Variants in WDR33 observed in about 807,000 individuals in gnomAD.
The protein encoded by WDR33 is WD repeat domain 33, also known as pre-mRNA 3' end processing protein WDR33.
In WDR33, 47 loss-of-function variants were observed where a neutral mutation model predicts 164.9. The ratio of observed to expected loss-of-function variants is 0.29; its 90% confidence interval spans 0.23 to 0.36. The LOEUF (loss-of-function observed/expected upper bound fraction) is 0.36, where lower values mean the gene tolerates loss of function less well. Ranked by LOEUF, WDR33 falls within the 10% of genes least tolerant of loss-of-function variation. The pLI is 1.00. For missense variants in WDR33, 1,137 were observed against 1,754.1 expected, an observed-to-expected ratio of 0.65 and a Z score of 6.28; for synonymous variants, 505 against 589.0, an observed-to-expected ratio of 0.86 and a Z score of 2.06.
chr2:127,786,335 G>A (rs1037404307), intron 1 of WDR33, among the ~76,000 whole-genome samples: 13 of 152,146 alleles, frequency 8.5e-5, no homozygotes, highest in Non-Finnish European at 4.4e-5. Flanking sequence ...GTGCCCAGCC[G>A]ATACTGTTTT....
At position 127,706,387 on chromosome 2, in the gene WDR33, C is replaced by T. The variant is rs761790721; in HGVS notation, c.3947G>A (p.Gly1316Glu). The change falls in exon 22 of 22, where the codon GGG becomes GAG. Residue 1316 changes from glycine to glutamate, a missense_variant. Physicochemically the swap from Gly to Glu is moderately conservative, Grantham distance 98. Transcript: ENST00000322313. The surrounding 1 kb of genome is among the most constrained non-coding windows in gnomAD (Gnocchi z 5.1). ...CGGCGGGCCAGAGTTCATGTTACTCCCTCTACCCCAGTTACTGCCACTCCG... is the reference window on the plus strand; with the variant it reads ...CGGCGGGCCAGAGTTCATGTTACTCTCTCTACCCCAGTTACTGCCACTCCG... ...GGRSGSNWGR[G>E]SNMNSGPPRR... 6 of 1,612,236 alleles carry T rather than the reference C, an allele frequency of 3.7e-6. No individual in the cohort carries two copies. Among genetic ancestry groups the T allele is most frequent in the South Asian group, 3.3e-5 (3 of 90,750 alleles).
intron 1 of WDR33, among the ~76,000 whole-genome samples, chr2:127,786,840 TGTTC>T (rs1448449330): frequency 7.7e-6 from 1 of 130,564 alleles, no homozygotes; most frequent in African/African-American, 3.1e-5. Flanking sequence ...TCTTCCTTTC[TGTTC>T]TTTTTTTTTT....
chr2:127,725,045 T>C lies in WDR33; in HGVS notation c.1006+16A>G, dbSNP rs777832795. The C allele has an allele frequency of 1.9e-6, 3 of 1,613,894 alleles. No homozygotes were observed. Among genetic ancestry groups the C allele is most frequent in the Admixed American group, 1.7e-5 (1 of 59,984 alleles). ...AGGTAACAGTGGTCAATGAGAAGCATATCACAGCCACTGACCTGTGGCTTC... is the reference window on the plus strand; with the variant it reads ...AGGTAACAGTGGTCAATGAGAAGCACATCACAGCCACTGACCTGTGGCTTC... On this transcript the variant is annotated intron_variant, in intron 9 of 21. Transcript: ENST00000322313.
rs1189462193 is a variant in WDR33 at position 127,708,301 on chromosome 2, A to C, written c.3781+376T>G. Among the ~76,000 whole-genome samples the C allele has an allele frequency of 6.6e-6, 1 of 152,198 alleles. No individual in the cohort carries two copies. Among genetic ancestry groups the C allele is most frequent in the Non-Finnish European group, 1.5e-5 (1 of 68,044 alleles). On this transcript the variant is annotated intron_variant, in intron 21 of 21. Coordinates refer to ENST00000322313, the MANE Select transcript of WDR33 (RefSeq NM_018383.5). This position sits in a 1 kb window ranked among gnomAD's most constrained non-coding sequence, Gnocchi z 6.7. ...GTTCCTCTAGACCCAGGCTAAAAAA[A>C]CCAACAGACCACCCAGGAGAGGACA... is the stretch of plus-strand genomic sequence containing the variant.
At chr2:127,800,357 G>A (rs949956578) in intron 1 of WDR33, among the ~76,000 whole-genome samples, 4 of 152,204 alleles carry the variant, frequency 2.6e-5, no homozygotes, top group African/African-American at 7.2e-5. Context: ...AAGCAAGCCT[G>A]GGCGCAGTGG....
intron 1 of WDR33, among the ~76,000 whole-genome samples, chr2:127,787,235 GAA>G (rs1308142315): frequency 2.9e-5 from 3 of 103,894 alleles, no homozygotes; most frequent in African/African-American, 1.4e-4. Context: ...AGAACAAAAT[GAA>G]AAGTCTCCCA....
At chr2:127,765,653 T>C (rs985532653) in intron 4 of WDR33, among the ~76,000 whole-genome samples, 1 of 152,036 alleles carries the variant, frequency 6.6e-6, no homozygotes, top group African/African-American at 2.4e-5. Flanking sequence ...AAAGACTGAA[T>C]AAAGGATATG....
rs1686305514 is a variant in WDR33, at chr2:127,716,524, C to T, written c.2869+631G>A. Among the ~76,000 whole-genome samples the T allele has an allele frequency of 6.6e-6, 1 of 152,220 alleles. No individual in the cohort carries two copies. Among genetic ancestry groups the T allele is most frequent in the African/African-American group, 2.4e-5 (1 of 41,462 alleles). On this transcript the variant is annotated intron_variant, in intron 17 of 21. Coordinates refer to ENST00000322313, the MANE Select transcript of WDR33 (RefSeq NM_018383.5). This position sits in a 1 kb window ranked among gnomAD's most constrained non-coding sequence, Gnocchi z 4.5. ...GCTGCTCACCACGCTCCTGCTCCAA[C>T]TCTGCAAGACAGGGGGGTCCCACCC...
rs151283651 is a variant in WDR33 at position 127,713,984 on chromosome 2, C to G, written c.2907G>C (p.Pro969=). The change falls in exon 18 of 22, where the codon CCG becomes CCC. Residue 969 remains proline (P), a synonymous_variant. Transcript: ENST00000322313. This position sits in a 1 kb window ranked among gnomAD's most constrained non-coding sequence, Gnocchi z 6.2. ...SRGPPNHHMG[P]MSERRHEQSG... Reference sequence around the variant, plus strand: ...TCTGCTCATGCCGCCTCTCTGACATCGGGCCCATGTGATGGTTTGGAGGGC... The same window carrying G: ...TCTGCTCATGCCGCCTCTCTGACATGGGGCCCATGTGATGGTTTGGAGGGC... The G allele has an allele frequency of 1.3e-6, 2 of 1,542,046 alleles. No homozygotes were observed. The highest frequency in any genetic ancestry group is 2.1e-5 in the Admixed American group (1 of 48,772).
In WDR33 at chr2:127,723,030, T is replaced by C. The variant is rs1372295857; in HGVS notation, c.1306A>G (p.Asn436Asp). 5.0e-6 allele frequency: 8 copies of C among 1,611,974 alleles called. No homozygotes were observed. The highest frequency in any genetic ancestry group is 6.8e-6 in the Non-Finnish European group (8 of 1,179,294). Residue 436 changes from asparagine (N) to aspartate (D), a missense_variant, in exon 13 of 22, where the codon AAT (asparagine) becomes GAT (aspartate). By Grantham distance (23) the Asn-to-Asp change is conservative (BLOSUM62 1). Coordinates refer to ENST00000322313, the MANE Select transcript of WDR33 (RefSeq NM_018383.5). The surrounding 1 kb of genome is among the most constrained non-coding windows in gnomAD (Gnocchi z 5.9). Reference sequence around the variant, plus strand: ...ATTCCTGGAATTACTGCCAGGCTATTAGGTTCGAGGTCATCTATAAATAGT... The same window carrying C: ...ATTCCTGGAATTACTGCCAGGCTATCAGGTTCGAGGTCATCTATAAATAGT... ...DGVEYDDLEP[N>D]SLAVIPGMGI...
Position 127,737,977 on chromosome 2 carries a change from T to C in WDR33, c.725-11200A>G, listed in dbSNP as rs768847878. The C allele has an allele frequency of 1.9e-6, 3 of 1,607,152 alleles. No homozygotes were observed. The Admixed American group carries it at 5.2e-5, about 28-fold the overall frequency. On this transcript the variant is annotated intron_variant, in intron 7 of 21. Coordinates refer to ENST00000322313, the MANE Select transcript of WDR33 (RefSeq NM_018383.5). The stretch of plus-strand genomic sequence containing the variant: ...ATTCACAGAAGTTGGTAAATGTGGC[T>C]CCCTAAACTTTGTCCACCTACTGTT...
In WDR33 at chr2:127,726,519, A is replaced by C; in HGVS notation, c.851+132T>G. 12 of 1,217,456 alleles carry C rather than the reference A, an allele frequency of 9.9e-6. No homozygotes were observed. The highest frequency in any genetic ancestry group is 1.2e-5 in the Non-Finnish European group (11 of 886,352). 75.4% of individuals were successfully genotyped at this position (1,217,456 alleles called of 1,614,324 possible). A position where few individuals can be genotyped will look rare whatever the true frequency, so the allele number is the denominator to read the frequency against. ...ATCATATTTAATTCATAAGAAGTCT[A>C]TAGATCCAAGTCCATCTGTTGCCTA... On this transcript the variant is annotated intron_variant, in intron 8 of 21. Coordinates refer to ENST00000322313, the MANE Select transcript of WDR33 (RefSeq NM_018383.5). This position sits in a 1 kb window ranked among gnomAD's most constrained non-coding sequence, Gnocchi z 4.8.
In WDR33 at chr2:127,739,903, C is replaced by A. The variant is rs114026806; in HGVS notation, c.725-13126G>T. ...GCTAAATTTCAGTTTTCAAATGACT[C>A]CAGAAAAAATAACACTGAATTCTGA... is the stretch of plus-strand genomic sequence containing the variant. On this transcript the variant is annotated intron_variant, in intron 7 of 21. Transcript: ENST00000322313. Among the ~76,000 whole-genome samples, 775 of 152,252 alleles carry A rather than the reference C, an allele frequency of 5.1e-3. 13 individuals are homozygous for A. Among genetic ancestry groups the A allele is most frequent in the African/African-American group, 0.017 (723 of 41,544 alleles).
chr2:127,763,899 TGGGCATGACACTAA>T lies in WDR33; in HGVS notation c.627-754_627-741del. The T allele has an allele frequency of 1.0e-6, 1 of 985,732 alleles. No individual in the cohort carries two copies. Among genetic ancestry groups the T allele is most frequent in the Non-Finnish European group, 1.2e-6 (1 of 830,174 alleles). 61.1% of individuals were successfully genotyped at this position (985,732 alleles called of 1,614,324 possible). ...GGACCAGCTGTGTAAACTCAATGTA[TGGGCATGACACTAA>T]GGCAAAATCTACAAAGCAGAAGCAT... On this transcript the variant is annotated intron_variant, in intron 6 of 21. Coordinates refer to ENST00000322313, the MANE Select transcript of WDR33 (RefSeq NM_018383.5). The surrounding 1 kb of genome is among the most constrained non-coding windows in gnomAD (Gnocchi z 4.5).
chr2:127,729,669 G>C lies in WDR33; in HGVS notation c.725-2892C>G, dbSNP rs543876703. Among the ~76,000 whole-genome samples the C allele has an allele frequency of 7.6e-4, 115 of 152,192 alleles. 1 individual carries two copies. Among genetic ancestry groups the C allele is most frequent in the African/African-American group, 2.6e-3 (108 of 41,532 alleles). On this transcript the variant is annotated intron_variant, in intron 7 of 21. Coordinates refer to ENST00000322313, the MANE Select transcript of WDR33 (RefSeq NM_018383.5). ...CACCACCACGCCCGGCTAATTGTTT[G>C]TATTTTTGGTAGAGATATGGTTTCA...
rs923016682 is a variant in WDR33, at chr2:127,709,145, C to T, written c.3566-253G>A. Among the ~76,000 whole-genome samples the T allele has an allele frequency of 6.6e-6, 1 of 152,106 alleles. No homozygotes were observed. Among genetic ancestry groups the T allele is most frequent in the Admixed American group, 6.5e-5 (1 of 15,268 alleles). ...TTACAGTCTCAAATTACTGAGGACT[C>T]CTAAGAGATTTTGTTAATGAGAGTT... On this transcript the variant is annotated intron_variant, in intron 20 of 21. Coordinates refer to ENST00000322313, the MANE Select transcript of WDR33 (RefSeq NM_018383.5). This position sits in a 1 kb window ranked among gnomAD's most constrained non-coding sequence, Gnocchi z 5.0.
At position 127,701,684 on chromosome 2, in the gene WDR33, G is replaced by A. The variant is rs1685885177; in HGVS notation, c.*4639C>T. The A allele has an allele frequency of 7.7e-7, 1 of 1,299,544 alleles. No individual in the cohort carries two copies. Among genetic ancestry groups the A allele is most frequent in the Non-Finnish European group, 9.7e-7 (1 of 1,029,422 alleles). 80.5% of individuals were successfully genotyped at this position (1,299,544 alleles called of 1,614,324 possible). ...TGGGCCGCGCGGGCTTGCGCTGGAC[G>A]TGGGCGCGGAGCCCTGCGGAGTCGG... On this transcript the variant is annotated 3_prime_UTR_variant, in exon 22 of 22. Transcript: ENST00000322313.
Position 127,711,772 on chromosome 2 carries a change from A to ATTTTTTTTTTT in WDR33, c.3308+1810_3308+1811insAAAAAAAAAAA, listed in dbSNP as rs1419760091. 7.5e-4 allele frequency among the ~76,000 whole-genome samples: 66 copies of ATTTTTTTTTTT among 87,702 alleles called. 8 individuals are homozygous for ATTTTTTTTTTT. Among genetic ancestry groups the ATTTTTTTTTTT allele is most frequent in the African/African-American group, 1.8e-3 (30 of 16,254 alleles). The allele number at this position is 87,702 out of a possible 152,430, so 57.5% of individuals were successfully genotyped here. ...TACAGATATATATATATATATATAT[A>ATTTTTTTTTTT]TATATATATTTTTTTTTTGAGACAG... On this transcript the variant is annotated intron_variant, in intron 18 of 21. Coordinates refer to ENST00000322313, the MANE Select transcript of WDR33 (RefSeq NM_018383.5).
intron 1 of WDR33, among the ~76,000 whole-genome samples, chr2:127,788,190 C>CG (rs1688673330): frequency 1.9e-5 from 2 of 107,268 alleles, no homozygotes; most frequent in African/African-American, 4.2e-5. Flanking sequence ...GCTGGCCGGG[C>CG]GGAGGGCTGA....
Sources: gnomAD v4.1 joint callset for allele counts (sites outside exome capture counted in the v4.1 genomes callset) on GRCh38, gnomAD v4.1.1 for gene constraint, Gnocchi (gnomAD v3.1) non-coding constraint, MANE v1.5 for transcripts, NCBI Gene and HGNC (gene_info 2026-07-23, HGNC 2026-07-21) for gene names.